The following ATP8A2 variants were observed in gnomAD, a reference collection of about 807,000 sequenced individuals.
ATP8A2 encodes the protein phospholipid-transporting ATPase IB.
ATP8A2 carries 100 observed loss-of-function variants against 165.6 expected under a neutral mutation model. The ratio of observed to expected loss-of-function variants is 0.60; its 90% CI spans 0.51 to 0.71. The LOEUF (loss-of-function observed/expected upper bound fraction) is 0.71, where lower values mean the gene tolerates loss of function less well. Among genes scored for constraint, ATP8A2 ranks in the 30% least tolerant of loss-of-function variants. The probability of loss-of-function intolerance (pLI) is 0.00; values close to 1 mark genes in which losing one functional copy is unlikely to be tolerated. For synonymous variants in ATP8A2, 543 were observed against 548.8 expected (o/e 0.99, Z 0.15); for missense variants, 1,227 against 1,479.5 (o/e 0.83, Z 2.80).
Position 25,588,546 on chromosome 13 carries a change from C to T in ATP8A2, c.2147-1089C>T, listed in dbSNP as rs114491411. ...GTGAGGAGAATCCTTACTCCTCCCC[C>T]TGGCTGTAGGAACAGTACTGGCCAA... is the stretch of plus-strand genomic sequence containing the variant. On this transcript the variant is annotated intron_variant, in intron 23 of 36. Transcript: ENST00000381655. Among the ~76,000 whole-genome samples, 1,255 of 152,326 alleles carry T rather than the reference C, an allele frequency of 8.2e-3. 13 individuals carry two copies. Among genetic ancestry groups the T allele is most frequent in the African/African-American group, 0.026 (1,086 of 41,562 alleles).
chr13:25,621,832 C>G (rs1347635654), intron 24 of ATP8A2, among the ~76,000 whole-genome samples: 2 of 152,108 alleles, frequency 1.3e-5, no homozygotes, highest in African/African-American at 4.8e-5. Context: ...CAGTTTTGTC[C>G]TGTGACTGAG....
intron 11 of ATP8A2, among the ~76,000 whole-genome samples, chr13:25,553,051 T>C (rs950925366): frequency 2.6e-5 from 4 of 152,044 alleles, no homozygotes; most frequent in African/African-American, 9.7e-5. Flanking sequence ...ACAGCTTTAA[T>C]ATCAGTTAAA....
At chr13:25,780,760 T>C (rs9507575) in intron 27 of ATP8A2, among the ~76,000 whole-genome samples, 69,004 of 151,432 alleles carry the variant, frequency 0.46, 18,044 homozygotes, top group South Asian at 0.61. Context: ...TGCATGCGTG[T>C]TTTACAATAG....
chr13:25,421,809 A>G (rs2034308061), intron 1 of ATP8A2, among the ~76,000 whole-genome samples: 1 of 152,246 alleles, frequency 6.6e-6, no homozygotes, highest in African/African-American at 2.4e-5. Flanking sequence ...ATTGCTGCAG[A>G]TGAAGCAACC....
In ATP8A2 at chr13:25,574,795, T is replaced by A. The variant is rs772811887; in HGVS notation, c.1663-13T>A. On this transcript the variant is annotated splice_polypyrimidine_tract_variant and intron_variant, in intron 18 of 36. Transcript: ENST00000381655. ...TTTGCACCTCGGTTAAGAGCCTATT[T>A]TTCTTCCTTTAGATGGGACAGGAAC... The A allele has an allele frequency of 5.2e-6, 8 of 1,527,990 alleles. No homozygotes were observed. The highest frequency in any genetic ancestry group is 7.3e-6 in the Non-Finnish European group (8 of 1,102,784). The allele number at this position is 1,527,990 out of a possible 1,614,324, so 94.7% of individuals were successfully genotyped here. A position where few individuals can be genotyped will look rare whatever the true frequency, so the allele number is the denominator to read the frequency against.
chr13:25,858,674 C>T lies in ATP8A2; in HGVS notation c.2957-1521C>T, dbSNP rs80295537. ...GTTCAACAAGCATTGGGAAAATCTG[C>T]GAGCCCAGATATGTATGTATAGCAG... On this transcript the variant is annotated intron_variant, in intron 30 of 36. Coordinates refer to ENST00000381655, the MANE Select transcript of ATP8A2 (RefSeq NM_016529.6). Among the ~76,000 whole-genome samples the T allele has an allele frequency of 4.7e-3, 720 of 152,212 alleles. 5 individuals carry two copies. The highest frequency in any genetic ancestry group is 0.017 in the African/African-American group (691 of 41,536).
intron 24 of ATP8A2, among the ~76,000 whole-genome samples, chr13:25,686,314 T>A (rs1045846996): frequency 1.4e-4 from 22 of 152,192 alleles, no homozygotes; most frequent in Non-Finnish European, 3.2e-4. Flanking sequence ...AGGAACATGA[T>A]GCAGTGCTCC....
At chr13:25,871,524 A>G (rs1952677491) in intron 33 of ATP8A2, among the ~76,000 whole-genome samples, 1 of 152,234 alleles carries the variant, frequency 6.6e-6, no homozygotes, top group Non-Finnish European at 1.5e-5. Context: ...TGACCACGGT[A>G]GGTTAGAGAA....
At chr13:25,512,548 C>T (rs1479553091) in intron 2 of ATP8A2, among the ~76,000 whole-genome samples, 7 of 150,198 alleles carry the variant, frequency 4.7e-5, no homozygotes, top group East Asian at 2.0e-4. Flanking sequence ...GGCGGCTGGC[C>T]GGGCAGAGGG....
intron 33 of ATP8A2, among the ~76,000 whole-genome samples, chr13:25,946,123 G>T (rs1271814456): frequency 2.0e-5 from 3 of 152,008 alleles, no homozygotes; most frequent in Admixed American, 2.0e-4. Flanking sequence ...TTTGAGTGTC[G>T]CAGTCTAAGG....
chr13:25,548,463 A>G (rs1412737564), intron 10 of ATP8A2, among the ~76,000 whole-genome samples: 1 of 152,228 alleles, frequency 6.6e-6, no homozygotes, highest in Non-Finnish European at 1.5e-5. Context: ...TAAATGGGGT[A>G]TAGAAATGAG....
At chr13:25,627,694 G>A (rs1007258992) in intron 24 of ATP8A2, among the ~76,000 whole-genome samples, 3 of 152,138 alleles carry the variant, frequency 2.0e-5, no homozygotes, top group Admixed American at 6.5e-5. Flanking sequence ...AAGCCACCCA[G>A]TCTGTGGCAT....
chr13:25,614,307 T>C (rs902972402), intron 24 of ATP8A2, among the ~76,000 whole-genome samples: 3 of 152,196 alleles, frequency 2.0e-5, no homozygotes, highest in African/African-American at 4.8e-5. Context: ...ATTTTGTTGC[T>C]GAGATGTTCC....
intron 2 of ATP8A2, among the ~76,000 whole-genome samples, chr13:25,508,292 C>G (rs1041334921): frequency 3.3e-5 from 5 of 152,296 alleles, no homozygotes; most frequent in African/African-American, 1.2e-4. Flanking sequence ...TTTTTAACAA[C>G]CACATGACCC....
chr13:26,011,248 G>C (rs563833339), intron 35 of ATP8A2, among the ~76,000 whole-genome samples: 1 of 152,122 alleles, frequency 6.6e-6, no homozygotes, highest in Admixed American at 6.5e-5. Flanking sequence ...GTCCATACTC[G>C]AGCTACTTAC....
intron 30 of ATP8A2, among the ~76,000 whole-genome samples, chr13:25,858,658 G>T (rs992837294): frequency 6.6e-6 from 1 of 152,162 alleles, no homozygotes; most frequent in East Asian, 1.9e-4. Context: ...TGTTCAACAA[G>T]CATTGGGAAA....
At chr13:25,607,448 G>C (rs1388948320) in intron 24 of ATP8A2, among the ~76,000 whole-genome samples, 2 of 152,192 alleles carry the variant, frequency 1.3e-5, no homozygotes, top group African/African-American at 2.4e-5. Context: ...TAAACCCATT[G>C]TAAGTTATAA....
intron 25 of ATP8A2, among the ~76,000 whole-genome samples, chr13:25,741,297 G>A (rs1411580693): frequency 1.3e-5 from 2 of 152,186 alleles, no homozygotes; most frequent in African/African-American, 2.4e-5. Flanking sequence ...TCCCTGGATA[G>A]TAATTAGCTG....
intron 33 of ATP8A2, among the ~76,000 whole-genome samples, chr13:25,877,502 C>T (rs544693179): frequency 7.9e-5 from 12 of 152,224 alleles, no homozygotes; most frequent in African/African-American, 2.2e-4. Context: ...TATATTCATT[C>T]GTGTTGTATG....
Sources: allele counts gnomAD v4.1 joint callset (sites outside exome capture counted in the v4.1 genomes callset), GRCh38; gene constraint gnomAD v4.1.1; transcripts MANE v1.5; gene names NCBI Gene and HGNC (gene_info 2026-07-23, HGNC 2026-07-21).